SLC18A1: variants seen among roughly 807,000 people sequenced by gnomAD.
SLC18A1 encodes the protein solute carrier family 18 member A1, also known as chromaffin granule amine transporter.
Under a neutral mutation model 53.7 loss-of-function variants are expected in SLC18A1, and 69 were observed. The observed-to-expected ratio is 1.28, with a 90% CI of 1.06 to 1.57. SLC18A1 has a LOEUF of 1.57. SLC18A1 is among the 40% of genes most tolerant of loss of function. The pLI, the probability that SLC18A1 is intolerant of heterozygous loss-of-function variation, is 0.00. For synonymous variants in SLC18A1, 320 were observed against 248.1 expected (o/e 1.29, Z -2.72); for missense variants, 932 against 668.1 (o/e 1.40, Z -4.35).
intron 14 of SLC18A1, 104 bp downstream of exon 14, chr8:20,147,499 G>A: frequency 6.3e-7 from 1 of 1,578,262 alleles, no homozygotes; most frequent in Non-Finnish European, 8.6e-7. Flanking sequence ...GGATGTCTCA[G>A]CGTCAAAGAT....
chr8:20,183,043 C>T lies in SLC18A1; in HGVS notation c.-124+20G>A, dbSNP rs1175464675. On this transcript the variant is annotated intron_variant, in intron 1 of 15. Transcript: ENST00000276373. The stretch of plus-strand genomic sequence containing the variant: ...ATCACAAGGAAAGATTAAATTTGTC[C>T]GGAGAGAGAAAAATCTTACCTTGGA... 2 of 152,238 alleles carry T rather than the reference C, an allele frequency of 1.3e-5. No individual in the cohort carries two copies. Among genetic ancestry groups the T allele is most frequent in the Admixed American group, 6.5e-5 (1 of 15,294 alleles). 9.4% of individuals were successfully genotyped at this position (152,238 alleles called of 1,614,324 possible).
intron 6 of SLC18A1, among the ~76,000 whole-genome samples, 173 bp downstream of exon 6, chr8:20,172,863 C>A (rs2072158295): frequency 6.6e-6 from 1 of 152,152 alleles, no homozygotes. Context: ...TTATGTGTTT[C>A]CCAGCTTCTT....
chr8:20,147,726 T>C lies in SLC18A1; in HGVS notation c.1211-4A>G, dbSNP rs1359664251. 6.2e-7 allele frequency: 1 copy of C among 1,612,530 alleles called. No homozygotes were observed. The highest frequency in any genetic ancestry group is 2.2e-5 in the East Asian group (1 of 44,824). ...ATCATAGAAGAATCCACCATGCCTGTGGCCAGAGCAAACAGGACACAGTCA... is the reference window on the plus strand; with the variant it reads ...ATCATAGAAGAATCCACCATGCCTGCGGCCAGAGCAAACAGGACACAGTCA... On this transcript the variant is annotated splice_polypyrimidine_tract_variant and splice_region_variant and intron_variant, in intron 13 of 15. Coordinates refer to ENST00000276373, the MANE Select transcript of SLC18A1 (RefSeq NM_003053.4).
intron 10 of SLC18A1, among the ~76,000 whole-genome samples, chr8:20,161,550 G>A (rs2071830626): frequency 1.3e-5 from 2 of 152,124 alleles, no homozygotes; most frequent in Non-Finnish European, 2.9e-5. Flanking sequence ...CATCCTTTGA[G>A]TTTGGTATCC....
At chr8:20,164,070 G>GA (rs2071893254) in intron 10 of SLC18A1, among the ~76,000 whole-genome samples, 1 of 151,966 alleles carries the variant, frequency 6.6e-6, no homozygotes, top group African/African-American at 2.4e-5. Flanking sequence ...GCTTAGAATT[G>GA]CCCCCCCAAA....
chr8:20,151,298 C>T (rs1486706870), intron 10 of SLC18A1, among the ~76,000 whole-genome samples: 13 of 151,980 alleles, frequency 8.6e-5, no homozygotes, highest in Non-Finnish European at 1.9e-4. Flanking sequence ...AGCCTCAGTA[C>T]ATTTAATGTG....
intron 4 of SLC18A1, among the ~76,000 whole-genome samples, chr8:20,174,742 A>T (rs1310708434): frequency 1.3e-5 from 2 of 152,170 alleles, no homozygotes; most frequent in African/African-American, 4.8e-5. Context: ...GTCCACTGAA[A>T]TGAGGGATGT....
intron 8 of SLC18A1, among the ~76,000 whole-genome samples, chr8:20,166,635 T>C (rs1424680576): frequency 6.6e-6 from 1 of 151,770 alleles, no homozygotes; most frequent in Non-Finnish European, 1.5e-5. Flanking sequence ...CCTTTTGGAA[T>C]AATTTTGACT....
Position 20,148,347 on chromosome 8 carries a change from A to G in SLC18A1, c.1147-277T>C, listed in dbSNP as rs188892497. ...AAGTTTGGACCTCAGACTTGGCTCC[A>G]TTATGCTCTAACGAGGGTCTTCCTC... On this transcript the variant is annotated intron_variant, in intron 12 of 15. Coordinates refer to ENST00000276373, the MANE Select transcript of SLC18A1 (RefSeq NM_003053.4). The G allele has an allele frequency of 4.9e-5, 39 of 799,642 alleles. No homozygotes were observed. In the East Asian group the frequency reaches 1.6e-3, roughly 33 times the overall value. The allele number at this position is 799,642 out of a possible 1,614,324, so 49.5% of individuals were successfully genotyped here.
rs373677379 is a variant in SLC18A1, at chr8:20,148,061, C to T, written c.1156G>A (p.Ala386Thr). 8 of 1,613,890 alleles carry T rather than the reference C, an allele frequency of 5.0e-6. No homozygotes were observed. Among genetic ancestry groups the T allele is most frequent in the South Asian group, 1.1e-5 (1 of 91,076 alleles). The change falls in exon 13 of 16, where the codon GCT (alanine) becomes ACT (threonine). Residue 386 changes from alanine (A) to threonine (T), a missense_variant. Physicochemically the swap from Ala to Thr is moderately conservative, Grantham distance 58. Transcript: ENST00000276373. ...CCAATGAGACCAAAAATATTGTGAGCCAGAGGAACCTGCATGGGGAAGGAG... is the reference window on the plus strand; with the variant it reads ...CCAATGAGACCAAAAATATTGTGAGTCAGAGGAACCTGCATGGGGAAGGAG... ...VGTSLLCVPL[A>T]HNIFGLIGPN...
intron 12 of SLC18A1, among the ~76,000 whole-genome samples, chr8:20,148,920 C>T (rs542108477): frequency 6.6e-6 from 1 of 152,224 alleles, no homozygotes; most frequent in South Asian, 2.1e-4. Flanking sequence ...CCATCAGAAC[C>T]CTCTCTACAT....
intron 4 of SLC18A1, among the ~76,000 whole-genome samples, chr8:20,177,757 C>G (rs1331934147): frequency 6.6e-6 from 1 of 152,208 alleles, no homozygotes; most frequent in African/African-American, 2.4e-5. Flanking sequence ...CTTCCCCTGC[C>G]TTAACCTGCT....
At chr8:20,168,994 A>ATTTTTTTTATG (rs1268250719) in intron 8 of SLC18A1, among the ~76,000 whole-genome samples, 2 of 152,070 alleles carry the variant, frequency 1.3e-5, no homozygotes, top group Non-Finnish European at 2.9e-5. Flanking sequence ...GGAGATTTAT[A>ATTTTTTTTATG]TGACTTTACA....
At chr8:20,172,377 T>C (rs1375974358) in intron 6 of SLC18A1, among the ~76,000 whole-genome samples, 2 of 152,054 alleles carry the variant, frequency 1.3e-5, no homozygotes, top group Non-Finnish European at 2.9e-5. Flanking sequence ...AAATTTCAGG[T>C]GTTTTGTTTT....
At chr8:20,150,971 T>C (rs1585191683) in intron 10 of SLC18A1, 1 of 518,518 alleles carries the variant, frequency 1.9e-6, no homozygotes, top group East Asian at 3.3e-5. Context: ...ACTTTTCTTT[T>C]TGTTTTCTTT....
chr8:20,179,994 C>G (rs1052293487), intron 2 of SLC18A1, among the ~76,000 whole-genome samples: 4 of 152,190 alleles, frequency 2.6e-5, no homozygotes, highest in Non-Finnish European at 4.4e-5. Flanking sequence ...AATCCCAACT[C>G]TGGCACCTGC....
At chr8:20,179,733 A>G (rs1178516130) in intron 2 of SLC18A1, among the ~76,000 whole-genome samples, 1 of 152,224 alleles carries the variant, frequency 6.6e-6, no homozygotes, top group Non-Finnish European at 1.5e-5. Flanking sequence ...TGCCCAAGTT[A>G]TCCTATTAGC....
rs1034468480 is a variant in SLC18A1, at chr8:20,179,397, T to C, written c.212A>G (p.His71Arg). Reference protein sequence around the residue: ...LHLGHAGSSPHALASPAFSTI... With the variant: ...LHLGHAGSSPRALASPAFSTI... Reference sequence around the variant, plus strand: ...GGAAAAGGCAGGAGAGGCGAGGGCATGTGGGGAACTTCCGGCATGGCCGAG... The same window carrying C: ...GGAAAAGGCAGGAGAGGCGAGGGCACGTGGGGAACTTCCGGCATGGCCGAG... The change falls in exon 3 of 16, where the codon CAT (histidine) becomes CGT (arginine). Residue 71 changes from histidine (H) to arginine (R), a missense_variant. His to Arg is a conservative substitution (Grantham distance 29). Coordinates refer to ENST00000276373, the MANE Select transcript of SLC18A1 (RefSeq NM_003053.4). 1.2e-6 allele frequency: 2 copies of C among 1,614,020 alleles called. No individual in the cohort carries two copies. Among genetic ancestry groups the C allele is most frequent in the Admixed American group, 1.7e-5 (1 of 60,010 alleles).
intron 10 of SLC18A1, among the ~76,000 whole-genome samples, chr8:20,155,921 C>G (rs1052493783): frequency 3.3e-5 from 5 of 152,198 alleles, no homozygotes; most frequent in African/African-American, 1.2e-4. Flanking sequence ...GCAAGGGCCA[C>G]AAGTTTGTAA....
Sources: allele counts gnomAD v4.1 joint callset (sites outside exome capture counted in the v4.1 genomes callset), GRCh38; gene constraint gnomAD v4.1.1; transcripts MANE v1.5; gene names NCBI Gene and HGNC (gene_info 2026-07-23, HGNC 2026-07-21).